The following RAD23B variants were observed in gnomAD, a reference collection of about 807,000 sequenced individuals.
RAD23B encodes lysine-specific demethylase RAD23B.
Under a neutral mutation model 49.1 loss-of-function variants are expected in RAD23B, and 5 were observed. That is an observed-to-expected ratio of 0.10 (90% CI 0.05 to 0.21). The LOEUF is 0.21. Among genes scored for constraint, RAD23B ranks in the 10% least tolerant of loss-of-function variants. The pLI is 1.00. For synonymous variants in RAD23B, 184 were observed against 165.4 expected (o/e 1.11, Z -0.86); for missense variants, 356 against 486.7 (o/e 0.73, Z 2.53).
rs1393783655 is a variant in RAD23B at position 107,330,867 on chromosome 9, C to A, written c.*1211C>A. ...AATATACAATCAAGATATCTCATGG[C>A]ATATTAAAAGAAAAATCTTAATAGC... On this transcript the variant is annotated 3_prime_UTR_variant, in exon 10 of 10. Coordinates refer to ENST00000358015, the MANE Select transcript of RAD23B (RefSeq NM_002874.5). The surrounding 1 kb of genome is among the most constrained non-coding windows in gnomAD (Gnocchi z 4.4). The A allele has an allele frequency of 6.6e-6, 1 of 152,508 alleles. No homozygotes were observed. The highest frequency in any genetic ancestry group is 2.4e-5 in the African/African-American group (1 of 41,398). The allele number at this position is 152,508 out of a possible 1,614,324, so 9.4% of individuals were successfully genotyped here. A position where few individuals can be genotyped will look rare whatever the true frequency, so the allele number is the denominator to read the frequency against.
chr9:107,290,395 A>T (rs1833357788), intron 1 of RAD23B, among the ~76,000 whole-genome samples: 4 of 151,758 alleles, frequency 2.6e-5, no homozygotes, highest in Admixed American at 1.3e-4. Context: ...TTAATGATAC[A>T]CTCCCTTGTG....
At chr9:107,291,634 A>G (rs914308883) in intron 1 of RAD23B, among the ~76,000 whole-genome samples, 1 of 152,186 alleles carries the variant, frequency 6.6e-6, no homozygotes, top group Non-Finnish European at 1.5e-5. Context: ...TCAAATTTGT[A>G]TTTGTAGAAA....
intron 1 of RAD23B, among the ~76,000 whole-genome samples, chr9:107,290,076 C>T (rs149362908): frequency 1.1e-4 from 16 of 152,352 alleles, no homozygotes; most frequent in Admixed American, 3.3e-4. Flanking sequence ...CACTCTTCCA[C>T]TGCCACAGGA....
chr9:107,329,634 A>G lies in RAD23B; in HGVS notation c.1208A>G (p.Gln403Arg). The change falls in exon 10 of 10, where the codon CAG becomes CGG. Residue 403 changes from glutamine to arginine, a missense_variant. Gln to Arg is a conservative substitution (Grantham distance 43). Coordinates refer to ENST00000358015, the MANE Select transcript of RAD23B (RefSeq NM_002874.5). The stretch of plus-strand genomic sequence containing the variant: ...AATTTGGCTGCCAATTTTCTTCTAC[A>G]GCAGAACTTTGATGAAGATTGAAAG... Reference protein sequence around the residue: ...NENLAANFLLQQNFDED With the variant: ...NENLAANFLLRQNFDED The G allele has an allele frequency of 6.2e-7, 1 of 1,612,476 alleles. No individual in the cohort carries two copies. Among genetic ancestry groups the G allele is most frequent in the Non-Finnish European group, 8.5e-7 (1 of 1,178,602 alleles).
intron 1 of RAD23B, among the ~76,000 whole-genome samples, chr9:107,293,948 C>CT (rs1306559439): frequency 1.6e-4 from 24 of 152,228 alleles, no homozygotes; most frequent in African/African-American, 5.5e-4. Context: ...CAGCACCCGT[C>CT]TAATTAAAAA....
intron 3 of RAD23B, among the ~76,000 whole-genome samples, chr9:107,303,455 A>G (rs141434697): frequency 1.6e-3 from 246 of 152,308 alleles, no homozygotes; most frequent in African/African-American, 5.8e-3. Flanking sequence ...AAGTCATTAT[A>G]TGTTAAGTTT....
At chr9:107,311,535 T>C (rs887044942) in intron 4 of RAD23B, 147 bp from the exon 5 acceptor site, 1 of 557,530 alleles carries the variant, frequency 1.8e-6, no homozygotes, top group African/African-American at 2.0e-5. Flanking sequence ...GGATTTAATC[T>C]AGAAGAGACA....
chr9:107,296,593 G>A (rs1826525803), intron 1 of RAD23B, among the ~76,000 whole-genome samples: 2 of 151,630 alleles, frequency 1.3e-5, no homozygotes, highest in Admixed American at 6.6e-5. Flanking sequence ...TCTTGAGACA[G>A]TCTCATTCTG....
At chr9:107,328,804 G>A (rs1027462956) in intron 9 of RAD23B, among the ~76,000 whole-genome samples, 5 of 152,168 alleles carry the variant, frequency 3.3e-5, no homozygotes, top group Admixed American at 3.3e-4. Context: ...CAATTGAGGA[G>A]GGTGACATTT....
intron 1 of RAD23B, among the ~76,000 whole-genome samples, chr9:107,296,335 C>T (rs2133069591): frequency 6.6e-6 from 1 of 152,278 alleles, no homozygotes; most frequent in East Asian, 1.9e-4. Context: ...TACTTTAATT[C>T]TTATTCTGAG....
chr9:107,326,973 G>GT (rs1220438726), intron 9 of RAD23B, among the ~76,000 whole-genome samples: 2 of 152,064 alleles, frequency 1.3e-5, no homozygotes, highest in African/African-American at 4.8e-5. Context: ...AGTTTTGGTG[G>GT]TTTTTGACTT....
At chr9:107,289,464 G>T (rs1224622271) in intron 1 of RAD23B, among the ~76,000 whole-genome samples, 4 of 152,106 alleles carry the variant, frequency 2.6e-5, no homozygotes, top group Non-Finnish European at 5.9e-5. Flanking sequence ...GGGATGACAG[G>T]CATGAGCCAG....
intron 7 of RAD23B, 80 bp downstream of exon 7, chr9:107,322,198 A>G (rs1423006458): frequency 8.4e-6 from 12 of 1,425,888 alleles, no homozygotes; most frequent in Non-Finnish European, 1.0e-5. Flanking sequence ...ATACTTCAGA[A>G]ATGACGTTCA....
At chr9:107,307,155 A>G (rs1330237895) in intron 4 of RAD23B, among the ~76,000 whole-genome samples, 2 of 152,060 alleles carry the variant, frequency 1.3e-5, no homozygotes, top group African/African-American at 4.8e-5. Flanking sequence ...TCAGTTTTTC[A>G]CTGTTGTATC....
intron 4 of RAD23B, among the ~76,000 whole-genome samples, chr9:107,307,972 C>G (rs907714658): frequency 6.6e-6 from 1 of 152,142 alleles, no homozygotes; most frequent in Non-Finnish European, 1.5e-5. Flanking sequence ...TAAGCTGTTA[C>G]ATCAAAGGGC....
intron 3 of RAD23B, among the ~76,000 whole-genome samples, chr9:107,302,575 G>A (rs546300045): frequency 1.3e-5 from 2 of 151,270 alleles, no homozygotes; most frequent in South Asian, 2.1e-4. Context: ...GAAAGAATAT[G>A]TTTTTAGAAA....
At chr9:107,289,507 T>A (rs1340461113) in intron 1 of RAD23B, among the ~76,000 whole-genome samples, 1 of 152,076 alleles carries the variant, frequency 6.6e-6, no homozygotes, top group Non-Finnish European at 1.5e-5. Context: ...CTTGTAGGAT[T>A]TTTAAAGGTT....
intron 1 of RAD23B, among the ~76,000 whole-genome samples, chr9:107,293,712 A>G (rs1223591888): frequency 6.6e-6 from 1 of 152,228 alleles, no homozygotes; most frequent in Non-Finnish European, 1.5e-5. Context: ...AGCTCATTAT[A>G]CTATCATAGG....
At position 107,306,665 on chromosome 9, in the gene RAD23B, G is replaced by T; in HGVS notation, c.497+18G>T. 6.3e-7 allele frequency: 1 copy of T among 1,596,268 alleles called. No individual in the cohort carries two copies. The highest frequency in any genetic ancestry group is 1.1e-5 in the South Asian group (1 of 89,180). The stretch of plus-strand genomic sequence containing the variant: ...ACTGACAGGTAGGAACTGGATTCTA[G>T]GACATTCTATCTCAAAATCCGTGTT... On this transcript the variant is annotated intron_variant, in intron 4 of 9. Transcript: ENST00000358015.
Sources: allele counts gnomAD v4.1 joint callset (sites outside exome capture counted in the v4.1 genomes callset), GRCh38; gene constraint gnomAD v4.1.1; non-coding constraint Gnocchi (gnomAD v3.1); transcripts MANE v1.5; gene names NCBI Gene and HGNC (gene_info 2026-07-23, HGNC 2026-07-21).